TRMT11: variants seen among roughly 807,000 people sequenced by gnomAD.
TRMT11 encodes the protein tRNA (guanine(10)-N(2))-methyltransferase TRMT11.
Under a neutral mutation model 62.8 loss-of-function variants are expected in TRMT11, and 53 were observed. The observed-to-expected ratio is 0.84, with a 90% CI of 0.68 to 1.06. The LOEUF is 1.06. TRMT11 is among the 50% of genes least tolerant of loss of function. The pLI is 0.00. For synonymous variants in TRMT11, 188 were observed against 190.3 expected (o/e 0.99, Z 0.10); for missense variants, 556 against 553.4 (o/e 1.00, Z -0.05).
chr6:126,057,245 C>T (rs533198376), intron 17 of TRMT11, among the ~76,000 whole-genome samples: 45 of 152,322 alleles, frequency 3.0e-4, no homozygotes, highest in African/African-American at 1.1e-3. Context: ...TCCTCCATGG[C>T]AAGAAGTAAT....
At chr6:126,157,124 A>T (rs1459714563) in intron 21 of TRMT11, among the ~76,000 whole-genome samples, 1 of 152,080 alleles carries the variant, frequency 6.6e-6, no homozygotes, top group African/African-American at 2.4e-5. Context: ...CTGTCCATAG[A>T]CTGCTCTCTG....
At chr6:126,228,307 G>C in the TRMT11 span, among the ~76,000 whole-genome samples, 1 of 152,186 alleles carries the variant, frequency 6.6e-6, no homozygotes, top group Admixed American at 6.5e-5. Flanking sequence ...TCCAGTGTCA[G>C]GGACAGATTG....
At chr6:126,145,882 C>A (rs1399335315) in intron 21 of TRMT11, among the ~76,000 whole-genome samples, 1 of 152,120 alleles carries the variant, frequency 6.6e-6, no homozygotes, top group Non-Finnish European at 1.5e-5. Flanking sequence ...TTACTTTCTA[C>A]AGGTTAAAAA....
At chr6:126,265,410 T>A in the TRMT11 span, among the ~76,000 whole-genome samples, 1 of 152,104 alleles carries the variant, frequency 6.6e-6, no homozygotes, top group African/African-American at 2.4e-5. Context: ...GAAGATACTT[T>A]TCTAATTTTT....
intron 7 of TRMT11, among the ~76,000 whole-genome samples, chr6:126,004,866 T>G (rs572020423): frequency 6.6e-6 from 1 of 152,170 alleles, no homozygotes; most frequent in African/African-American, 2.4e-5. Flanking sequence ...GCCTAAATAC[T>G]TTTCCTTTTT....
the TRMT11 span, among the ~76,000 whole-genome samples, chr6:126,248,606 A>G: frequency 2.6e-5 from 4 of 151,974 alleles, no homozygotes; most frequent in African/African-American, 7.2e-5. Context: ...TCAATCAACA[A>G]TCGACTTATT....
intron 21 of TRMT11, among the ~76,000 whole-genome samples, chr6:126,152,001 C>CCCTT (rs1353050080): frequency 3.5e-5 from 4 of 115,406 alleles, no homozygotes; most frequent in East Asian, 2.9e-4. Flanking sequence ...CTCCCTTCCT[C>CCCTT]CCTTCCTTCC....
At position 126,102,954 on chromosome 6, in the gene TRMT11, T is replaced by C. The variant is rs201831786; in HGVS notation, c.*1438-9912T>C. Among the ~76,000 whole-genome samples, 3 of 152,354 alleles carry C rather than the reference T, an allele frequency of 2.0e-5. No individual in the cohort carries two copies. In the East Asian group the frequency reaches 5.8e-4, roughly 29 times the overall value. ...CCAAAGTCATATAATTGTTGTCTTA[T>C]ATAATTGTTCATCCCATAGAGAATG... On this transcript the variant is annotated intron_variant and NMD_transcript_variant, in intron 17 of 22. Transcript: ENST00000648977.
At chr6:125,995,402 G>A (rs1791342221) in intron 2 of TRMT11, among the ~76,000 whole-genome samples, 1 of 152,118 alleles carries the variant, frequency 6.6e-6, no homozygotes, top group African/African-American at 2.4e-5. Flanking sequence ...TGGGTGTTGG[G>A]ATAGAGGATT....
At chr6:126,060,859 T>A (rs745741361) in intron 17 of TRMT11, among the ~76,000 whole-genome samples, 4 of 152,260 alleles carry the variant, frequency 2.6e-5, no homozygotes, top group Non-Finnish European at 5.9e-5. Flanking sequence ...TGTTGTTTGC[T>A]TTTAGATCAG....
At chr6:125,997,904 A>G (rs1562241121) in intron 3 of TRMT11, 149 bp from the exon 4 acceptor site, 1 of 573,618 alleles carries the variant, frequency 1.7e-6, no homozygotes, top group African/African-American at 1.9e-5. Context: ...CTTTTTACCC[A>G]TTTATCTAAA....
At chr6:126,019,373 GT>G (rs1403480364) in intron 11 of TRMT11, among the ~76,000 whole-genome samples, 2 of 152,148 alleles carry the variant, frequency 1.3e-5, no homozygotes, top group African/African-American at 4.8e-5. Flanking sequence ...TAGTTTAGCA[GT>G]TTAGCGTCAT....
At chr6:126,051,020 C>T (rs1257399254) in intron 16 of TRMT11, among the ~76,000 whole-genome samples, 1 of 152,146 alleles carries the variant, frequency 6.6e-6, no homozygotes, top group Non-Finnish European at 1.5e-5. Flanking sequence ...AACATGCAGG[C>T]AAGGAATCCA....
chr6:126,165,500 T>C (rs1583895762), intron 21 of TRMT11, among the ~76,000 whole-genome samples: 1 of 152,298 alleles, frequency 6.6e-6, no homozygotes, highest in South Asian at 2.1e-4. Flanking sequence ...CCCTCAGCAT[T>C]TGCTTGTCTT....
At position 126,012,869 on chromosome 6, in the gene TRMT11, T is replaced by TA; in HGVS notation, c.1007+18dup. 6.2e-7 allele frequency: 1 copy of TA among 1,610,794 alleles called. No homozygotes were observed. Among genetic ancestry groups the TA allele is most frequent in the Non-Finnish European group, 8.5e-7 (1 of 1,177,096 alleles). On this transcript the variant is annotated intron_variant, in intron 10 of 12. Transcript: ENST00000334379. ...GGAAAAATGGTAAGTGAAATTTAAA[T>TA]ATGATGTGTTACTACCTTGAGAAGA...
chr6:126,003,614 TATG>T (rs1325912997), intron 7 of TRMT11, among the ~76,000 whole-genome samples: 1 of 152,120 alleles, frequency 6.6e-6, no homozygotes, highest in African/African-American at 2.4e-5. Flanking sequence ...TGTTAATTTG[TATG>T]TCTATGGTTA....
At chr6:126,014,152 A>G (rs1794656009) in intron 11 of TRMT11, among the ~76,000 whole-genome samples, 1 of 152,220 alleles carries the variant, frequency 6.6e-6, no homozygotes, top group South Asian at 2.1e-4. Flanking sequence ...TTTAAATTTG[A>G]AAGGTATTGC....
chr6:126,037,197 A>T (rs1422267157), intron 12 of TRMT11, among the ~76,000 whole-genome samples: 1 of 151,824 alleles, frequency 6.6e-6, no homozygotes, highest in African/African-American at 2.4e-5. Context: ...AGTCAAACAG[A>T]TCTGTGTTCA....
chr6:126,238,969 CTTCT>C, the TRMT11 span, among the ~76,000 whole-genome samples: 2 of 152,018 alleles, frequency 1.3e-5, no homozygotes, highest in Non-Finnish European at 2.9e-5. Context: ...ATGTAATGGC[CTTCT>C]TTGTCTCTTT....
Sources: allele counts gnomAD v4.1 joint callset (sites outside exome capture counted in the v4.1 genomes callset), GRCh38; gene constraint gnomAD v4.1.1; transcripts MANE v1.5; gene names NCBI Gene and HGNC (gene_info 2026-07-23, HGNC 2026-07-21).